RARB: variants seen among roughly 807,000 people sequenced by gnomAD.
The protein encoded by RARB is HBV-activated protein.
In RARB, 17 loss-of-function variants were observed where a neutral mutation model predicts 51.9. That is an observed-to-expected ratio of 0.33 (90% CI 0.22 to 0.49). RARB has a LOEUF of 0.49. Among genes scored for constraint, RARB ranks in the 20% least tolerant of loss-of-function variants. The probability of loss-of-function intolerance (pLI) is 0.99; values close to 1 mark genes in which losing one functional copy is unlikely to be tolerated. For synonymous variants in RARB, 215 were observed against 195.4 expected (o/e 1.10, Z -0.84); for missense variants, 369 against 550.8 (o/e 0.67, Z 3.30).
chr3:25,387,290 C>T (rs758961295), intron 5 of RARB, among the ~76,000 whole-genome samples: 14 of 152,010 alleles, frequency 9.2e-5, no homozygotes, highest in Admixed American at 6.6e-4. Context: ...AATGAGGATC[C>T]GGGTCTTTAT....
chr3:25,535,518 C>T (rs1261554033), intron 3 of RARB, among the ~76,000 whole-genome samples: 1 of 151,870 alleles, frequency 6.6e-6, no homozygotes, highest in African/African-American at 2.4e-5. Context: ...CCATCAGCCC[C>T]TCATCTTCAT....
chr3:25,007,478 A>G (rs1697296417), intron 2 of RARB, among the ~76,000 whole-genome samples: 1 of 151,184 alleles, frequency 6.6e-6, no homozygotes, highest in Non-Finnish European at 1.5e-5. Context: ...AATACAAAAA[A>G]TAGCTGGGCA....
intron 4 of RARB, among the ~76,000 whole-genome samples, chr3:25,168,381 T>C (rs1399745299): frequency 1.3e-5 from 2 of 151,952 alleles, no homozygotes; most frequent in Non-Finnish European, 2.9e-5. Context: ...GGTGCCACCA[T>C]GCCCGGCTAA....
At chr3:25,005,931 C>G (rs1697262461) in intron 2 of RARB, among the ~76,000 whole-genome samples, 1 of 152,098 alleles carries the variant, frequency 6.6e-6, no homozygotes, top group South Asian at 2.1e-4. Flanking sequence ...CTGACTTCAT[C>G]TCCTCTCTTT....
intron 5 of RARB, among the ~76,000 whole-genome samples, chr3:25,253,026 A>G (rs1992060): frequency 0.11 from 16,502 of 152,172 alleles, 1,044 homozygotes; most frequent in South Asian, 0.26. Context: ...TATGTAAGTT[A>G]AGCTGAACTG....
chr3:25,277,141 G>C (rs1006019244), intron 5 of RARB, among the ~76,000 whole-genome samples: 22 of 152,154 alleles, frequency 1.4e-4, no homozygotes, highest in African/African-American at 5.3e-4. Flanking sequence ...TAGAAAAGAA[G>C]CTCAAACCTT....
intron 3 of RARB, among the ~76,000 whole-genome samples, chr3:25,566,229 G>A (rs549077654): frequency 1.2e-4 from 18 of 152,312 alleles, no homozygotes; most frequent in Middle Eastern, 3.4e-3. Flanking sequence ...CTGAAGCCAC[G>A]TGTTTAGAAA....
At chr3:25,341,346 G>A (rs1244018221) in intron 5 of RARB, among the ~76,000 whole-genome samples, 2 of 152,112 alleles carry the variant, frequency 1.3e-5, no homozygotes, top group African/African-American at 4.8e-5. Flanking sequence ...AAGTGAAATA[G>A]CATTATATAT....
At chr3:25,152,074 C>A (rs1329923273) in intron 4 of RARB, among the ~76,000 whole-genome samples, 1 of 152,170 alleles carries the variant, frequency 6.6e-6, no homozygotes, top group Non-Finnish European at 1.5e-5. Flanking sequence ...CTATATTTGA[C>A]TGATTTACAC....
At chr3:25,572,465 G>T (rs1380540296) in intron 4 of RARB, among the ~76,000 whole-genome samples, 1 of 152,122 alleles carries the variant, frequency 6.6e-6, no homozygotes, top group Admixed American at 6.5e-5. Context: ...AGAAAGGCTC[G>T]ATAACTTTCC....
chr3:25,303,323 A>G (rs1704083602), intron 5 of RARB, among the ~76,000 whole-genome samples: 1 of 152,184 alleles, frequency 6.6e-6, no homozygotes, highest in African/African-American at 2.4e-5. Context: ...CTGATTCTTC[A>G]AGTGCTTTTA....
chr3:25,065,789 G>A (rs772191894), intron 3 of RARB, among the ~76,000 whole-genome samples: 1 of 152,192 alleles, frequency 6.6e-6, no homozygotes, highest in Non-Finnish European at 1.5e-5. Flanking sequence ...AAGGGCTCAC[G>A]CATAGAAGGA....
intron 5 of RARB, among the ~76,000 whole-genome samples, chr3:25,288,411 C>G (rs1376321974): frequency 6.6e-6 from 1 of 152,178 alleles, no homozygotes; most frequent in African/African-American, 2.4e-5. Flanking sequence ...AAGATTTTTG[C>G]AGCTAATTGA....
In RARB at chr3:25,374,833, A is replaced by C. The variant is rs367718837; in HGVS notation, c.179-86360A>C. Reference sequence around the variant, plus strand: ...TTCAGGGCTAATGATTTTAACACAAATGTAGCTACACTGAGCAGTTTTAAC... The same window carrying C: ...TTCAGGGCTAATGATTTTAACACAACTGTAGCTACACTGAGCAGTTTTAAC... On this transcript the variant is annotated intron_variant, in intron 5 of 11. Coordinates refer to the RARB transcript ENST00000383772. 2.6e-5 allele frequency among the ~76,000 whole-genome samples: 4 copies of C among 152,272 alleles called. No individual in the cohort carries two copies. The East Asian group carries it at 7.7e-4, about 29-fold the overall frequency.
intron 2 of RARB, among the ~76,000 whole-genome samples, chr3:24,942,108 G>A (rs1185065247): frequency 6.6e-6 from 1 of 152,218 alleles, no homozygotes. Flanking sequence ...GTGTAGAAGA[G>A]TTAAGTGACT....
intron 2 of RARB, among the ~76,000 whole-genome samples, chr3:25,050,513 C>G (rs1397932472): frequency 6.6e-6 from 1 of 152,188 alleles, no homozygotes; most frequent in Non-Finnish European, 1.5e-5. Context: ...TGTGTATTCA[C>G]TTTACGAAGT....
At chr3:25,220,620 G>T (rs1484168580) in intron 5 of RARB, among the ~76,000 whole-genome samples, 1 of 152,146 alleles carries the variant, frequency 6.6e-6, no homozygotes, top group Admixed American at 6.5e-5. Context: ...ATGTTTGGTA[G>T]TTCCTTCTGC....
intron 2 of RARB, among the ~76,000 whole-genome samples, chr3:25,487,436 C>G (rs1696526094): frequency 6.7e-6 from 1 of 149,708 alleles, no homozygotes. Context: ...AGAACACACA[C>G]TGATACAATA....
intron 3 of RARB, among the ~76,000 whole-genome samples, chr3:25,540,838 A>C (rs1432102263): frequency 6.6e-6 from 1 of 152,180 alleles, no homozygotes; most frequent in Non-Finnish European, 1.5e-5. Flanking sequence ...AATCACTCCT[A>C]CTAGCTTGTT....
Sources: allele counts gnomAD v4.1 joint callset (sites outside exome capture counted in the v4.1 genomes callset), GRCh38; gene constraint gnomAD v4.1.1; transcripts MANE v1.5; gene names NCBI Gene and HGNC (gene_info 2026-07-23, HGNC 2026-07-21).